The following ATRNL1 variants were observed in gnomAD, a reference collection of about 807,000 sequenced individuals.
ATRNL1 encodes the protein attractin-like protein 1.
A neutral mutation model predicts 182.7 loss-of-function variants in ATRNL1; 95 were observed. That is an observed-to-expected ratio of 0.52 (90% CI 0.44 to 0.62). The LOEUF is 0.62. Among genes scored for constraint, ATRNL1 ranks in the 20% least tolerant of loss-of-function variants. The probability of loss-of-function intolerance (pLI) is 0.00; values close to 1 mark genes in which losing one functional copy is unlikely to be tolerated. For synonymous variants in ATRNL1, 576 were observed against 568.3 expected (o/e 1.01, Z -0.19); for missense variants, 1,471 against 1,679.5 (o/e 0.88, Z 2.17).
chr10:115,281,914 A>G (rs994662455), intron 14 of ATRNL1, among the ~76,000 whole-genome samples: 2 of 148,162 alleles, frequency 1.3e-5, no homozygotes, highest in African/African-American at 4.9e-5. Context: ...AATATAGAAC[A>G]TATTAATTAT....
At chr10:115,631,654 G>A (rs1203780041) in intron 26 of ATRNL1, among the ~76,000 whole-genome samples, 1 of 152,012 alleles carries the variant, frequency 6.6e-6, no homozygotes, top group Non-Finnish European at 1.5e-5. Flanking sequence ...ACCTTGAGGA[G>A]TTTTCAAAGC....
intron 9 of ATRNL1, among the ~76,000 whole-genome samples, chr10:115,219,582 C>T (rs1396766530): frequency 6.6e-6 from 1 of 152,134 alleles, no homozygotes; most frequent in African/African-American, 2.4e-5. Context: ...AATACTTCTG[C>T]AGCTGTTGTG....
intron 26 of ATRNL1, among the ~76,000 whole-genome samples, chr10:115,715,470 C>T (rs1386842424): frequency 6.6e-6 from 1 of 152,150 alleles, no homozygotes; most frequent in Non-Finnish European, 1.5e-5. Context: ...AAGCAATACT[C>T]ATTCTTGTGG....
rs1554989520 is a variant in ATRNL1, at chr10:115,534,399, C to G, written c.3717-15059C>G. On this transcript the variant is annotated intron_variant, in intron 25 of 28. Transcript: ENST00000355044. ...CTTCTGATCTTTGTTGGTTTAAAGT[C>G]TGTTTTATCAGAGACTAGGATTGCA... 2.0e-5 allele frequency among the ~76,000 whole-genome samples: 3 copies of G among 152,184 alleles called. No individual in the cohort carries two copies. The East Asian group carries it at 5.8e-4, about 29-fold the overall frequency.
intron 27 of ATRNL1, among the ~76,000 whole-genome samples, chr10:115,785,323 C>T (rs776778441): frequency 1.1e-4 from 17 of 152,210 alleles, no homozygotes; most frequent in Non-Finnish European, 2.5e-4. Context: ...GAATAATCCT[C>T]TCATGATATT....
At chr10:115,699,480 T>C (rs1313022669) in intron 26 of ATRNL1, among the ~76,000 whole-genome samples, 1 of 152,026 alleles carries the variant, frequency 6.6e-6, no homozygotes, top group African/African-American at 2.4e-5. Context: ...AATAAAGAGT[T>C]CAACAACAAA....
chr10:115,397,196 C>G (rs1351429181), intron 20 of ATRNL1, among the ~76,000 whole-genome samples: 1 of 151,856 alleles, frequency 6.6e-6, no homozygotes, highest in Non-Finnish European at 1.5e-5. Flanking sequence ...TAAGTGAGTA[C>G]TTGATACTAC....
intron 20 of ATRNL1, among the ~76,000 whole-genome samples, chr10:115,408,629 A>G (rs1554959010): frequency 6.6e-6 from 1 of 152,106 alleles, no homozygotes; most frequent in Non-Finnish European, 1.5e-5. Context: ...AGTCTTATTC[A>G]TAAAATCTTT....
chr10:115,400,755 A>G (rs528982882), intron 20 of ATRNL1, among the ~76,000 whole-genome samples: 1 of 152,180 alleles, frequency 6.6e-6, no homozygotes, highest in South Asian at 2.1e-4. Context: ...AGAAACTAGG[A>G]TTACAACTCC....
chr10:115,489,996 T>C (rs1460313579), intron 24 of ATRNL1, among the ~76,000 whole-genome samples: 3 of 152,316 alleles, frequency 2.0e-5, no homozygotes, highest in African/African-American at 7.2e-5. Context: ...TTAGTTTGGC[T>C]GTATATGAAA....
chr10:115,588,814 T>C lies in ATRNL1; in HGVS notation c.3795+39278T>C, dbSNP rs372374629. ...TGTAGCTGTTTATTTAGTGCATCTA[T>C]GGAAGGAGGGAAAATCAAGAGCTTC... On this transcript the variant is annotated intron_variant, in intron 26 of 28. Transcript: ENST00000355044. 2.6e-4 allele frequency among the ~76,000 whole-genome samples: 39 copies of C among 152,348 alleles called. 1 individual carries two copies. The South Asian group carries it at 7.9e-3, about 31-fold the overall frequency.
chr10:115,105,003 G>T (rs1301859936), intron 1 of ATRNL1, among the ~76,000 whole-genome samples: 1 of 151,598 alleles, frequency 6.6e-6, no homozygotes, highest in Admixed American at 6.6e-5. Context: ...TTCCAGTATT[G>T]CTCTTTTTGC....
chr10:115,190,990 G>T (rs552963454), intron 8 of ATRNL1, among the ~76,000 whole-genome samples: 1 of 151,934 alleles, frequency 6.6e-6, no homozygotes, highest in African/African-American at 2.4e-5. Context: ...TCTGTGCCTG[G>T]CTTATTTCAC....
At chr10:115,358,910 C>G (rs1384565287) in intron 19 of ATRNL1, among the ~76,000 whole-genome samples, 16 of 151,616 alleles carry the variant, frequency 1.1e-4, no homozygotes, top group Non-Finnish European at 7.4e-5. Flanking sequence ...CTAAACAGAT[C>G]TTTTAATCAG....
At chr10:115,437,915 C>G (rs1174810785) in intron 21 of ATRNL1, among the ~76,000 whole-genome samples, 4 of 151,904 alleles carry the variant, frequency 2.6e-5, no homozygotes, top group Non-Finnish European at 4.4e-5. Flanking sequence ...GGTTTTATCC[C>G]TGTTGTACCA....
At chr10:115,597,786 C>T (rs571560435) in intron 26 of ATRNL1, 38 of 373,352 alleles carry the variant, frequency 1.0e-4, no homozygotes, top group East Asian at 8.0e-4. Context: ...CTGCCCACCT[C>T]GGCCTCCTAA....
Position 115,446,581 on chromosome 10 carries a change from GCT to G in ATRNL1, c.3323-15357_3323-15356del, listed in dbSNP as rs573470558. On this transcript the variant is annotated intron_variant, in intron 21 of 28. Coordinates refer to ENST00000355044, the MANE Select transcript of ATRNL1 (RefSeq NM_207303.4). ...TCTGTTGTTGTCAAATTGAGATTTT[GCT>G]CTTTTTCTCTTCTTACCATTGCAAG... 1.3e-3 allele frequency among the ~76,000 whole-genome samples: 201 copies of G among 151,868 alleles called. 1 individual carries two copies. Among genetic ancestry groups the G allele is most frequent in the Middle Eastern group, 0.01 (3 of 292 alleles).
intron 20 of ATRNL1, among the ~76,000 whole-genome samples, chr10:115,407,553 C>G (rs782035813): frequency 6.6e-6 from 1 of 152,042 alleles, no homozygotes; most frequent in African/African-American, 2.4e-5. Flanking sequence ...TTGCCACGAA[C>G]GACAGGATTT....
chr10:115,613,610 T>C (rs1857276621), intron 26 of ATRNL1, among the ~76,000 whole-genome samples: 1 of 152,180 alleles, frequency 6.6e-6, no homozygotes, highest in East Asian at 1.9e-4. Context: ...ATGTTAGTTA[T>C]TTTTTAAAAG....
Sources: allele counts gnomAD v4.1 joint callset (sites outside exome capture counted in the v4.1 genomes callset), GRCh38; gene constraint gnomAD v4.1.1; transcripts MANE v1.5; gene names NCBI Gene and HGNC (gene_info 2026-07-23, HGNC 2026-07-21).